The following SLC12A7 variants were observed in gnomAD, a reference collection of about 807,000 sequenced individuals.
The protein encoded by SLC12A7 is solute carrier family 12 member 7.
SLC12A7 carries 100 observed loss-of-function variants against 120.6 expected under a neutral mutation model. The ratio of observed to expected loss-of-function variants is 0.83; its 90% CI spans 0.71 to 0.98. SLC12A7 has a LOEUF of 0.98. Ranked by LOEUF, SLC12A7 falls within the 50% of genes least tolerant of loss-of-function variation. The pLI, the probability that SLC12A7 is intolerant of heterozygous loss-of-function variation, is 0.00. For missense variants in SLC12A7, 1,373 were observed against 1,548.1 expected (o/e 0.89, Z 1.90); for synonymous variants, 760 against 678.0 (o/e 1.12, Z -1.88).
At chr5:1,101,463 G>A (rs1490601748) in intron 1 of SLC12A7, among the ~76,000 whole-genome samples, 3 of 152,166 alleles carry the variant, frequency 2.0e-5, no homozygotes, top group African/African-American at 4.8e-5. Flanking sequence ...TGAGACCTTG[G>A]AGGAGCCCTC....
At chr5:1,150,671 G>A in the SLC12A7 span, among the ~76,000 whole-genome samples, 1 of 152,252 alleles carries the variant, frequency 6.6e-6, no homozygotes, top group Non-Finnish European at 1.5e-5. Context: ...TCACTGAGTC[G>A]AGACTTCTTT....
intron 18 of SLC12A7, among the ~76,000 whole-genome samples, chr5:1,064,901 C>CGCGAGGAGATGGTGAGGGGACA (rs1736820543): frequency 3.5e-5 from 1 of 28,376 alleles, no homozygotes; most frequent in African/African-American, 1.2e-4. Context: ...GTGAGGGGAC[C>CGCGAGGAGATGGTGAGGGGACA]GCGAGGGGAC....
chr5:1,083,668 G>A, intron 8 of SLC12A7, 77 bp downstream of exon 8: 1 of 1,458,160 alleles, frequency 6.9e-7, no homozygotes, highest in Non-Finnish European at 9.5e-7. Flanking sequence ...GTGACTCTAA[G>A]GCGAGAGCAG....
chr5:1,103,408 C>A (rs1742197849), intron 1 of SLC12A7, among the ~76,000 whole-genome samples: 1 of 152,200 alleles, frequency 6.6e-6, no homozygotes, highest in Non-Finnish European at 1.5e-5. Context: ...CACACATGAA[C>A]ACACGCCACA....
At chr5:1,060,981 C>T (rs1736130020) in intron 20 of SLC12A7, among the ~76,000 whole-genome samples, 1 of 152,000 alleles carries the variant, frequency 6.6e-6, no homozygotes, top group South Asian at 2.1e-4. Flanking sequence ...TGCTGCGTCT[C>T]ACCCACTGCA....
At chr5:1,110,692 G>C (rs1038737470) in intron 1 of SLC12A7, among the ~76,000 whole-genome samples, 2 of 152,180 alleles carry the variant, frequency 1.3e-5, no homozygotes, top group African/African-American at 2.4e-5. Flanking sequence ...TGGAGAGAAG[G>C]GGCTTGGACT....
At chr5:1,060,503 G>T in intron 20 of SLC12A7, 52 bp from the exon 21 acceptor site, 2 of 1,386,798 alleles carry the variant, frequency 1.4e-6, no homozygotes, top group Non-Finnish European at 2.1e-6. Flanking sequence ...AACCACGGAT[G>T]GCTCCAACAC....
intron 6 of SLC12A7, among the ~76,000 whole-genome samples, chr5:1,086,136 A>G (rs1256308317): frequency 1.3e-5 from 2 of 152,158 alleles, no homozygotes; most frequent in African/African-American, 2.4e-5. Flanking sequence ...GGACATGGCC[A>G]GGGGACTCGG....
chr5:1,052,138 A>T lies in SLC12A7; in HGVS notation c.*222T>A, dbSNP rs893190256. ...GCAGCGTCTGCCCTCAGATGCAAGG[A>T]AATCGTCCAGCCACGCCCTGATTTG... On this transcript the variant is annotated 3_prime_UTR_variant, in exon 24 of 24. Transcript: ENST00000264930. The T allele has an allele frequency of 6.9e-6, 4 of 579,076 alleles. No homozygotes were observed. The highest frequency in any genetic ancestry group is 1.2e-5 in the Non-Finnish European group (4 of 324,488). 35.9% of individuals were successfully genotyped at this position (579,076 alleles called of 1,614,324 possible).
At chr5:1,104,552 T>C (rs1742321153) in intron 1 of SLC12A7, among the ~76,000 whole-genome samples, 1 of 151,918 alleles carries the variant, frequency 6.6e-6, no homozygotes, top group Non-Finnish European at 1.5e-5. Flanking sequence ...CCCCCAAACT[T>C]CCCAGAGCCA....
At chr5:1,143,465 G>A in the SLC12A7 span, among the ~76,000 whole-genome samples, 2 of 152,180 alleles carry the variant, frequency 1.3e-5, no homozygotes, top group Non-Finnish European at 2.9e-5. Flanking sequence ...CCCTGGTGTC[G>A]CTTTCTCTTC....
rs1267369330 is a variant in SLC12A7, at chr5:1,083,900, T to G, written c.974A>C (p.Lys325Thr). 6.2e-7 allele frequency: 1 copy of G among 1,608,324 alleles called. No individual in the cohort carries two copies. Residue 325 changes from lysine (K) to threonine (T), a missense_variant, in exon 8 of 24, where the codon AAG becomes ACG. Transcript: ENST00000264930. ...LSRRSFDACV[K>T]AYGIHNNSAT... ...TGAGTTGTTGTGGATGCCGTAGGCC[T>G]TGACGCAGGCATCGAAGCTGCGCCG...
intron 1 of SLC12A7, among the ~76,000 whole-genome samples, chr5:1,097,176 T>C (rs1440885721): frequency 6.6e-6 from 1 of 152,204 alleles, no homozygotes; most frequent in Non-Finnish European, 1.5e-5. Flanking sequence ...TGTAACTATG[T>C]CTGCGTTCAG....
chr5:1,149,684 T>C, the SLC12A7 span, among the ~76,000 whole-genome samples: 2 of 152,228 alleles, frequency 1.3e-5, no homozygotes, highest in Non-Finnish European at 2.9e-5. Flanking sequence ...TGATTAGGGA[T>C]GTGAAGCATC....
At chr5:1,063,208 A>T (rs1189764733) in intron 20 of SLC12A7, among the ~76,000 whole-genome samples, 1 of 152,166 alleles carries the variant, frequency 6.6e-6, no homozygotes, top group Non-Finnish European at 1.5e-5. Flanking sequence ...TAGCTGACCG[A>T]GGGCCTGTCT....
chr5:1,065,311 GTCC>G lies in SLC12A7; in HGVS notation c.2406_2408del (p.Glu802del), dbSNP rs1490649928. 3.2e-6 allele frequency: 5 copies of G among 1,581,912 alleles called. No individual in the cohort carries two copies. Among genetic ancestry groups the G allele is most frequent in the Admixed American group, 1.8e-5 (1 of 55,676 alleles). On this transcript the variant is annotated inframe_deletion, in exon 18 of 24. Coordinates refer to ENST00000264930, the MANE Select transcript of SLC12A7 (RefSeq NM_006598.3). Reference sequence around the variant, plus strand: ...CAAAGTTCTTCCAGGAGAAGGGGTTGTCCTCCTGCTTCCAGGATGCGGGCCAGG... The same window carrying G: ...CAAAGTTCTTCCAGGAGAAGGGGTTGTCCTGCTTCCAGGATGCGGGCCAGG...
Position 1,050,838 on chromosome 5 carries a change from A to G in SLC12A7, c.*1522T>C. ...CTCTGGGCAGCAGCCGTCACTCTACAGCAATGCCAGCCCTAGTCTGGCTCC... is the reference window on the plus strand; with the variant it reads ...CTCTGGGCAGCAGCCGTCACTCTACGGCAATGCCAGCCCTAGTCTGGCTCC... On this transcript the variant is annotated 3_prime_UTR_variant, in exon 24 of 24. Transcript: ENST00000264930. The G allele has an allele frequency of 2.5e-6, 1 of 398,624 alleles. No homozygotes were observed. Among genetic ancestry groups the G allele is most frequent in the Non-Finnish European group, 4.4e-6 (1 of 226,060 alleles). 24.7% of individuals were successfully genotyped at this position (398,624 alleles called of 1,614,324 possible).
At chr5:1,096,323 G>A (rs762725252) in intron 1 of SLC12A7, among the ~76,000 whole-genome samples, 1 of 152,172 alleles carries the variant, frequency 6.6e-6, no homozygotes, top group Non-Finnish European at 1.5e-5. Flanking sequence ...TTTGGGCAAC[G>A]GAGGCCAAGG....
Position 1,057,740 on chromosome 5 carries a change from C to T in SLC12A7, c.2848-91G>A, listed in dbSNP as rs933000467. The T allele has an allele frequency of 4.0e-6, 5 of 1,265,720 alleles. No homozygotes were observed. The African/African-American group carries it at 7.5e-5, about 19-fold the overall frequency. The allele number at this position is 1,265,720 out of a possible 1,614,324, so 78.4% of individuals were successfully genotyped here. A position where few individuals can be genotyped will look rare whatever the true frequency, so the allele number is the denominator to read the frequency against. ...GATGCCAGGCCGGAGGTGAGGGCAG[C>T]TCACAGAACCTGAAGGGCCCTGTGT... is the stretch of plus-strand genomic sequence containing the variant. On this transcript the variant is annotated intron_variant, in intron 21 of 23. Coordinates refer to ENST00000264930, the MANE Select transcript of SLC12A7 (RefSeq NM_006598.3).
Sources: gnomAD v4.1 joint callset for allele counts (sites outside exome capture counted in the v4.1 genomes callset) on GRCh38, gnomAD v4.1.1 for gene constraint, MANE v1.5 for transcripts, NCBI Gene and HGNC (gene_info 2026-07-23, HGNC 2026-07-21) for gene names.